Variants in EBF1 observed in about 807,000 individuals in gnomAD.
EBF1 encodes transcription factor COE1.
EBF1 carries 10 observed loss-of-function variants against 68.4 expected under a neutral mutation model. The observed-to-expected ratio is 0.15, with a 90% CI of 0.09 to 0.25. The LOEUF is 0.25. Among genes scored for constraint, EBF1 ranks in the 10% least tolerant of loss-of-function variants. EBF1 has a pLI of 1.00. For synonymous variants in EBF1, 298 were observed against 299.8 expected, an observed-to-expected ratio of 0.99 and a Z score of 0.06; for missense variants, 509 against 794.4, an observed-to-expected ratio of 0.64 and a Z score of 4.32.
intron 8 of EBF1, among the ~76,000 whole-genome samples, chr5:158,818,942 A>AAC (rs1286347259): frequency 1.3e-5 from 2 of 151,896 alleles, no homozygotes; most frequent in African/African-American, 4.8e-5. Context: ...ACAAAAAAAA[A>AAC]AAAAACTAGA....
At chr5:158,780,592 G>A (rs917706906) in intron 9 of EBF1, among the ~76,000 whole-genome samples, 1 of 152,114 alleles carries the variant, frequency 6.6e-6, no homozygotes, top group Admixed American at 6.6e-5. Flanking sequence ...AAATAAGAAG[G>A]TATTGTAGAT....
intron 8 of EBF1, among the ~76,000 whole-genome samples, chr5:158,810,580 C>G (rs1302586897): frequency 6.6e-6 from 1 of 152,128 alleles, no homozygotes; most frequent in Non-Finnish European, 1.5e-5. Flanking sequence ...CTGCATTTCT[C>G]CCCAGAACTG....
intron 6 of EBF1, chr5:158,983,848 G>T (rs903219816): frequency 2.0e-5 from 3 of 151,708 alleles, no homozygotes; most frequent in Admixed American, 1.3e-4. Context: ...AAGTACCTGA[G>T]AGTATGTTAG....
intron 6 of EBF1, among the ~76,000 whole-genome samples, chr5:158,933,589 GAAGA>G (rs1312104960): frequency 1.3e-5 from 2 of 152,336 alleles, no homozygotes; most frequent in East Asian, 3.9e-4. Context: ...CTATGAGGAG[GAAGA>G]AAGACAGCTG....
intron 6 of EBF1, among the ~76,000 whole-genome samples, chr5:158,889,299 T>C (rs1800685370): frequency 1.3e-5 from 2 of 152,280 alleles, no homozygotes; most frequent in African/African-American, 4.8e-5. Context: ...AAGTGGGATA[T>C]GGCAAGAAGG....
At chr5:158,715,177 C>G (rs1760383838) in intron 11 of EBF1, among the ~76,000 whole-genome samples, 1 of 152,168 alleles carries the variant, frequency 6.6e-6, no homozygotes, top group South Asian at 2.1e-4. Flanking sequence ...GTAGGATCAT[C>G]AGAGGTGATT....
intron 7 of EBF1, among the ~76,000 whole-genome samples, chr5:158,830,148 T>C (rs1483945711): frequency 6.6e-6 from 1 of 152,150 alleles, no homozygotes; most frequent in African/African-American, 2.4e-5. Flanking sequence ...TTTTACAGCT[T>C]GGAAAACTAA....
chr5:158,840,152 G>C, intron 6 of EBF1, 42 bp from the exon 7 acceptor site: 1 of 1,505,876 alleles, frequency 6.6e-7, no homozygotes, highest in Non-Finnish European at 9.2e-7. Context: ...TTCGGTTTCT[G>C]ACACGGGAGG....
intron 9 of EBF1, among the ~76,000 whole-genome samples, chr5:158,784,397 T>C (rs1233779047): frequency 2.0e-5 from 3 of 152,306 alleles, no homozygotes; most frequent in Non-Finnish European, 2.9e-5. Flanking sequence ...ATGGATTGTA[T>C]CTGCAGCTTT....
At chr5:158,893,899 G>A (rs1017545439) in intron 6 of EBF1, among the ~76,000 whole-genome samples, 2 of 152,130 alleles carry the variant, frequency 1.3e-5, no homozygotes, top group African/African-American at 4.8e-5. Context: ...TTTCAAAATG[G>A]TTCTTGTGTT....
chr5:158,975,245 T>C (rs1411885789), intron 6 of EBF1, among the ~76,000 whole-genome samples: 1 of 152,192 alleles, frequency 6.6e-6, no homozygotes, highest in Non-Finnish European at 1.5e-5. Context: ...ACCTCCTGTA[T>C]CTCTTTCCAT....
At chr5:158,819,151 T>C (rs977151507) in intron 8 of EBF1, among the ~76,000 whole-genome samples, 2 of 152,136 alleles carry the variant, frequency 1.3e-5, no homozygotes, top group East Asian at 1.9e-4. Context: ...AAAAAATACA[T>C]ATATCCCCTT....
chr5:158,999,169 G>C (rs1762029147), intron 6 of EBF1, among the ~76,000 whole-genome samples: 1 of 152,158 alleles, frequency 6.6e-6, no homozygotes, highest in Non-Finnish European at 1.5e-5. Flanking sequence ...CTGGGATGAA[G>C]CTATGCTGCA....
Position 158,796,328 on chromosome 5 carries a change from G to T in EBF1, c.909+17C>A. ...CTAGATCAAGCTATTAGATATTAAT[G>T]TTCAGACAACACCTACCTCACTCCA... On this transcript the variant is annotated intron_variant, in intron 9 of 15. Coordinates refer to ENST00000313708, the MANE Select transcript of EBF1 (RefSeq NM_024007.5). The T allele has an allele frequency of 6.2e-7, 1 of 1,604,398 alleles. No homozygotes were observed. The highest frequency in any genetic ancestry group is 8.5e-7 in the Non-Finnish European group (1 of 1,175,088).
chr5:159,074,912 GA>G (rs112315060), intron 5 of EBF1, among the ~76,000 whole-genome samples: 4,703 of 152,272 alleles, frequency 0.031, 246 homozygotes, highest in African/African-American at 0.1. Context: ...TGATATCTAA[GA>G]GACAGATAAA....
chr5:159,073,535 G>A (rs1778202349), intron 5 of EBF1, 71 bp from the exon 6 acceptor site: 1 of 1,543,122 alleles, frequency 6.5e-7, no homozygotes. Context: ...CAGACAGAAG[G>A]CTCAAATTGC....
At chr5:159,064,341 G>A (rs1044015861) in intron 6 of EBF1, among the ~76,000 whole-genome samples, 2 of 152,116 alleles carry the variant, frequency 1.3e-5, no homozygotes, top group African/African-American at 4.8e-5. Context: ...TGAAAACAGT[G>A]TTTTTAGCTG....
intron 6 of EBF1, among the ~76,000 whole-genome samples, chr5:158,870,950 A>G (rs992331701): frequency 1.3e-5 from 2 of 152,362 alleles, no homozygotes; most frequent in African/African-American, 4.8e-5. Flanking sequence ...TCTTTGTACG[A>G]AGCAGCAAAC....
chr5:159,083,705 G>A (rs1780121405), intron 5 of EBF1, among the ~76,000 whole-genome samples: 1 of 152,246 alleles, frequency 6.6e-6, no homozygotes, highest in African/African-American at 2.4e-5. Flanking sequence ...TGAGGCAGCA[G>A]CTGAAGCCCT....
Sources: allele counts gnomAD v4.1 joint callset (sites outside exome capture counted in the v4.1 genomes callset), GRCh38; gene constraint gnomAD v4.1.1; transcripts MANE v1.5; gene names NCBI Gene and HGNC (gene_info 2026-07-23, HGNC 2026-07-21).